Variants in RALY observed in about 807,000 individuals in gnomAD.
The protein encoded by RALY is RNA-binding protein Raly.
RALY carries 15 observed loss-of-function variants against 30.7 expected under a neutral mutation model. The ratio of observed to expected loss-of-function variants is 0.49; its 90% CI spans 0.33 to 0.75. The LOEUF is 0.75. RALY is among the 30% of genes least tolerant of loss of function. The probability of loss-of-function intolerance (pLI) is 0.02; values close to 1 mark genes in which losing one functional copy is unlikely to be tolerated. For missense variants in RALY, 339 were observed against 414.3 expected, an observed-to-expected ratio of 0.82 and a Z score of 1.58; for synonymous variants, 177 against 170.8, an observed-to-expected ratio of 1.04 and a Z score of -0.28.
intron 2 of RALY, among the ~76,000 whole-genome samples, chr20:34,032,407 A>G (rs6120486): frequency 0.011 from 1,629 of 152,328 alleles, 34 homozygotes; most frequent in African/African-American, 0.038. Flanking sequence ...TATGAAGTGG[A>G]TGTCAGGGGA....
In RALY at chr20:34,076,236, C is replaced by G. The variant is rs2033873776; in HGVS notation, c.544+196C>G. ...TTAGGAGGAGGGGTTGTGTTGGGCACAGAGAGTCCAGTGCTGGATATGGTG... is the reference window on the plus strand; with the variant it reads ...TTAGGAGGAGGGGTTGTGTTGGGCAGAGAGAGTCCAGTGCTGGATATGGTG... On this transcript the variant is annotated intron_variant, in intron 6 of 9. Transcript: ENST00000246194. 5.7e-6 allele frequency: 4 copies of G among 705,302 alleles called. No homozygotes were observed. The South Asian group carries it at 7.6e-5, about 13-fold the overall frequency. The allele number at this position is 705,302 out of a possible 1,614,324, so 43.7% of individuals were successfully genotyped here.
At chr20:34,016,454 A>G (rs2031611474) in intron 1 of RALY, 1 of 152,260 alleles carries the variant, frequency 6.6e-6, no homozygotes, top group Admixed American at 6.5e-5. Context: ...GGTGATCCCC[A>G]TACTTAGCAC....
At chr20:34,014,746 C>T (rs865826430) in intron 1 of RALY, among the ~76,000 whole-genome samples, 32 of 152,250 alleles carry the variant, frequency 2.1e-4, no homozygotes, top group Middle Eastern at 3.4e-3. Flanking sequence ...CTTAGAAATA[C>T]ATTTAGTAAT....
chr20:34,028,774 G>C (rs938573327), intron 1 of RALY, among the ~76,000 whole-genome samples: 1 of 147,326 alleles, frequency 6.8e-6, no homozygotes, highest in African/African-American at 2.5e-5. Context: ...TCAGGATTAC[G>C]TCATAGATTC....
chr20:34,001,367 C>T (rs967208987), intron 1 of RALY, among the ~76,000 whole-genome samples: 1 of 152,220 alleles, frequency 6.6e-6, no homozygotes, highest in South Asian at 2.1e-4. Context: ...GTAGATGCCT[C>T]TACTGAGGTT....
chr20:34,079,466 C>CTA (rs1379609319), intron 9 of RALY, among the ~76,000 whole-genome samples: 2 of 152,178 alleles, frequency 1.3e-5, no homozygotes, highest in Admixed American at 6.5e-5. Flanking sequence ...GTCTCAAACA[C>CTA]TAGTGTTTCC....
At chr20:34,063,265 C>A (rs1236126545) in intron 2 of RALY, among the ~76,000 whole-genome samples, 1 of 152,072 alleles carries the variant, frequency 6.6e-6, no homozygotes, top group Non-Finnish European at 1.5e-5. Context: ...GCCTGGAGTA[C>A]CTTTTGTGGT....
intron 1 of RALY, among the ~76,000 whole-genome samples, chr20:33,995,457 T>C (rs909079054): frequency 6.6e-6 from 1 of 152,354 alleles, no homozygotes; most frequent in African/African-American, 2.4e-5. Flanking sequence ...AAACAAATAT[T>C]ACTCCTATTT....
chr20:34,018,455 C>T (rs1339866766), intron 1 of RALY, among the ~76,000 whole-genome samples: 1 of 152,190 alleles, frequency 6.6e-6, no homozygotes, highest in East Asian at 1.9e-4. Context: ...CTTCACACAG[C>T]CTGCCCCTCC....
Position 33,999,701 on chromosome 20 carries a change from G to T in RALY, c.-93+5570G>T, listed in dbSNP as rs551564807. ...TCCTAAGGAGCTCATGATCCAGAAG[G>T]GCAGAAGTCTCAGTAGCTTGGATAC... On this transcript the variant is annotated intron_variant, in intron 1 of 9. Transcript: ENST00000246194. Among the ~76,000 whole-genome samples the T allele has an allele frequency of 1.6e-3, 237 of 152,214 alleles. 2 individuals carry two copies. Among genetic ancestry groups the T allele is most frequent in the African/African-American group, 5.2e-3 (217 of 41,540 alleles).
chr20:34,032,511 G>C (rs989286998), intron 2 of RALY, among the ~76,000 whole-genome samples: 4 of 151,600 alleles, frequency 2.6e-5, no homozygotes, highest in South Asian at 2.1e-4. Context: ...TTTGTGTGTT[G>C]GGGGGGGTTT....
chr20:34,010,877 T>G (rs1269426891), intron 1 of RALY, among the ~76,000 whole-genome samples: 1 of 152,172 alleles, frequency 6.6e-6, no homozygotes, highest in Non-Finnish European at 1.5e-5. Context: ...GCTTAGTATC[T>G]CTCTGTGCCT....
chr20:34,072,721 G>A (rs568653156), intron 3 of RALY, among the ~76,000 whole-genome samples: 56 of 152,296 alleles, frequency 3.7e-4, no homozygotes, highest in African/African-American at 1.2e-3. Context: ...GTGTGAATAC[G>A]CTTGGTTTTG....
At chr20:34,007,335 C>G (rs940807227) in intron 1 of RALY, among the ~76,000 whole-genome samples, 3 of 151,928 alleles carry the variant, frequency 2.0e-5, no homozygotes, top group African/African-American at 7.3e-5. Context: ...TCCTGGCCAA[C>G]ATGGTGAAAG....
At chr20:34,077,643 A>G (rs1382444495) in intron 8 of RALY, 1 of 315,102 alleles carries the variant, frequency 3.2e-6, no homozygotes, top group Non-Finnish European at 6.0e-6. Context: ...AGCATGAAGC[A>G]AAAGCTGTCT....
intron 1 of RALY, among the ~76,000 whole-genome samples, chr20:34,006,573 ATGTTT>A (rs2031167460): frequency 6.6e-6 from 1 of 152,184 alleles, no homozygotes; most frequent in African/African-American, 2.4e-5. Context: ...CTGCATAGAG[ATGTTT>A]CAGCCAGTGA....
At chr20:34,000,322 A>G (rs2030856264) in intron 1 of RALY, among the ~76,000 whole-genome samples, 1 of 151,320 alleles carries the variant, frequency 6.6e-6, no homozygotes, top group Non-Finnish European at 1.5e-5. Context: ...TCCTCATAAA[A>G]TCATCTGGGG....
intron 2 of RALY, among the ~76,000 whole-genome samples, chr20:34,039,305 CT>C (rs1214465445): frequency 6.6e-6 from 1 of 152,218 alleles, no homozygotes; most frequent in Non-Finnish European, 1.5e-5. Context: ...TCATAATGGC[CT>C]AGAAGGTTGG....
Position 34,077,092 on chromosome 20 carries a change from CGGTGGCAGTGGT to C in RALY, c.730_741del (p.Ser244_Gly247del). 6.2e-7 allele frequency: 1 copy of C among 1,604,746 alleles called. No homozygotes were observed. Among genetic ancestry groups the C allele is most frequent in the Non-Finnish European group, 8.5e-7 (1 of 1,175,670 alleles). On this transcript the variant is annotated inframe_deletion, in exon 8 of 10. Transcript: ENST00000246194. Reference sequence around the variant, plus strand: ...GCGGCGGTGGTGGTGGCAGCGGTGGCGGTGGCAGTGGTGGTGGCGGTGGCGGTGGCAGCAGCC... The same window carrying C: ...GCGGCGGTGGTGGTGGCAGCGGTGGCGGTGGCGGTGGCGGTGGCAGCAGCC...
Sources: allele counts gnomAD v4.1 joint callset (sites outside exome capture counted in the v4.1 genomes callset), GRCh38; gene constraint gnomAD v4.1.1; transcripts MANE v1.5; gene names NCBI Gene and HGNC (gene_info 2026-07-23, HGNC 2026-07-21).